Variants in SPAG1 observed in about 807,000 individuals in gnomAD.
SPAG1 encodes sperm associated antigen 1.
A neutral mutation model predicts 100.5 loss-of-function variants in SPAG1; 69 were observed. The observed-to-expected ratio is 0.69, with a 90% CI of 0.57 to 0.84. The LOEUF (loss-of-function observed/expected upper bound fraction) is 0.84, where lower values mean the gene tolerates loss of function less well. Among genes scored for constraint, SPAG1 ranks in the 40% least tolerant of loss-of-function variants. The pLI, the probability that SPAG1 is intolerant of heterozygous loss-of-function variation, is 0.00. For synonymous variants in SPAG1, 336 were observed against 411.6 expected, an observed-to-expected ratio of 0.82 and a Z score of 2.22; for missense variants, 955 against 1,133.1, an observed-to-expected ratio of 0.84 and a Z score of 2.26.
intron 4 of SPAG1, among the ~76,000 whole-genome samples, chr8:100,178,358 A>G (rs1270462475): frequency 6.6e-6 from 1 of 152,004 alleles, no homozygotes; most frequent in Non-Finnish European, 1.5e-5. Context: ...AACAGTAAAC[A>G]GATACTTTCA....
In SPAG1 at chr8:100,225,327, CA is replaced by C. The variant is rs1818460238; in HGVS notation, c.1844del (p.Gln615ArgfsTer20). The C allele has an allele frequency of 6.2e-7, 1 of 1,613,492 alleles. No individual in the cohort carries two copies. Among genetic ancestry groups the C allele is most frequent in the Non-Finnish European group, 8.5e-7 (1 of 1,179,926 alleles). Reference protein sequence around the residue: ...QAGDSSSHRQQGITDEKTFKA... With the variant: ...QAGDSSSHRQXGITDEKTFKA... The stretch of plus-strand genomic sequence containing the variant: ...AGGAGACTCCAGCAGCCATCGCCAG[CA>C]GGGCATCACAGGTGGGGGATGCCTG... On this transcript the variant is annotated frameshift_variant, in exon 14 of 19. Transcript: ENST00000388798. LOFTEE classifies it high-confidence loss of function.
intron 4 of SPAG1, among the ~76,000 whole-genome samples, chr8:100,178,630 G>A (rs1047525126): frequency 6.6e-6 from 1 of 151,964 alleles, no homozygotes; most frequent in African/African-American, 2.4e-5. Flanking sequence ...TGTTATTCTC[G>A]TCTTTTCTTT....
At chr8:100,231,828 G>A (rs986836555) in intron 15 of SPAG1, among the ~76,000 whole-genome samples, 7 of 152,064 alleles carry the variant, frequency 4.6e-5, no homozygotes, top group African/African-American at 1.4e-4. Flanking sequence ...CAGGCGCAGC[G>A]GCAGGCACCT....
At position 100,195,399 on chromosome 8, in the gene SPAG1, C is replaced by T. The variant is rs995595679; in HGVS notation, c.1096+1131C>T. ...AACGAGTTTTAATTTTTTTAAGTGACAAAAAATAATGCAATGTATACACTT... is the reference window on the plus strand; with the variant it reads ...AACGAGTTTTAATTTTTTTAAGTGATAAAAAATAATGCAATGTATACACTT... On this transcript the variant is annotated intron_variant, in intron 10 of 18. Coordinates refer to ENST00000388798, the MANE Select transcript of SPAG1 (RefSeq NM_003114.5). 1.1e-4 allele frequency among the ~76,000 whole-genome samples: 16 copies of T among 151,426 alleles called. 1 individual carries two copies. The highest frequency in any genetic ancestry group is 3.6e-4 in the African/African-American group (15 of 41,150).
At chr8:100,194,973 T>C (rs1943048832) in intron 10 of SPAG1, among the ~76,000 whole-genome samples, 1 of 152,010 alleles carries the variant, frequency 6.6e-6, no homozygotes, top group Non-Finnish European at 1.5e-5. Flanking sequence ...AAGACCAGCC[T>C]GGCCAACATG....
intron 7 of SPAG1, among the ~76,000 whole-genome samples, chr8:100,185,778 T>C (rs879476842): frequency 6.6e-6 from 1 of 152,204 alleles, no homozygotes; most frequent in East Asian, 1.9e-4. Context: ...TGTTGGTGTA[T>C]CTAAAGAAGT....
intron 10 of SPAG1, among the ~76,000 whole-genome samples, chr8:100,207,123 A>G (rs1817545403): frequency 6.6e-6 from 1 of 152,162 alleles, no homozygotes; most frequent in South Asian, 2.1e-4. Context: ...ACATTTGACT[A>G]TGGGTCATCA....
intron 9 of SPAG1, 36 bp downstream of exon 9, chr8:100,191,532 A>C (rs1307053482): frequency 2.9e-6 from 4 of 1,380,220 alleles, no homozygotes; most frequent in Non-Finnish European, 4.1e-6. Context: ...CTAATTCTGT[A>C]GTTGGCTGTT....
At chr8:100,159,323 T>G (rs906277090) in intron 1 of SPAG1, among the ~76,000 whole-genome samples, 6 of 152,200 alleles carry the variant, frequency 3.9e-5, no homozygotes, top group African/African-American at 1.4e-4. Flanking sequence ...CAATAGGCCC[T>G]GAAGGTATGG....
rs1306386069 is a variant in SPAG1 at position 100,213,434 on chromosome 8, T to G, written c.1435+6T>G. On this transcript the variant is annotated splice_donor_region_variant and intron_variant, in intron 11 of 18. Coordinates refer to ENST00000388798, the MANE Select transcript of SPAG1 (RefSeq NM_003114.5). ...CGCGCTCCTGGAGCCAGCAGGTAGG[T>G]GCGCCGCGCCCCGCCGCTTCCTGGG... 1 of 1,390,620 alleles carries G rather than the reference T, an allele frequency of 7.2e-7. No homozygotes were observed. The highest frequency in any genetic ancestry group is 9.3e-7 in the Non-Finnish European group (1 of 1,075,056). 86.1% of individuals were successfully genotyped at this position (1,390,620 alleles called of 1,614,324 possible).
At chr8:100,207,782 G>C (rs144237083) in intron 10 of SPAG1, among the ~76,000 whole-genome samples, 1 of 152,172 alleles carries the variant, frequency 6.6e-6, no homozygotes. Flanking sequence ...GGCTAAAGAA[G>C]TGTGGCAGTG....
At chr8:100,213,474 GT>G in intron 11 of SPAG1, 46 bp downstream of exon 11, 1 of 1,344,936 alleles carries the variant, frequency 7.4e-7, no homozygotes, top group Non-Finnish European at 9.6e-7. Context: ...TCGCGCTGCG[GT>G]TCACCCGACC....
At chr8:100,180,788 G>A (rs564030676) in intron 4 of SPAG1, among the ~76,000 whole-genome samples, 85 of 152,360 alleles carry the variant, frequency 5.6e-4, no homozygotes, top group African/African-American at 2.0e-3. Flanking sequence ...ATTTAAGTCT[G>A]TTGGGGCCTA....
rs142067345 is a variant in SPAG1 at position 100,201,313 on chromosome 8, A to AG, written c.1096+7049dup. Among the ~76,000 whole-genome samples the AG allele has an allele frequency of 7.2e-3, 1,101 of 151,964 alleles. 14 individuals carry two copies. Among genetic ancestry groups the AG allele is most frequent in the African/African-American group, 0.025 (1,057 of 41,454 alleles). ...TTTCATTTTTATTTTTTGTAGAGACAGGGGTCTCACTTCGTTACTCAGGGT... is the reference window on the plus strand; with the variant it reads ...TTTCATTTTTATTTTTTGTAGAGACAGGGGGTCTCACTTCGTTACTCAGGGT... On this transcript the variant is annotated intron_variant, in intron 10 of 18. Transcript: ENST00000388798.
intron 2 of SPAG1, among the ~76,000 whole-genome samples, chr8:100,164,532 C>G (rs1455892038): frequency 6.6e-6 from 1 of 152,134 alleles, no homozygotes; most frequent in African/African-American, 2.4e-5. Flanking sequence ...TCAAGTGATT[C>G]TCCTGCCTCA....
intron 8 of SPAG1, among the ~76,000 whole-genome samples, chr8:100,189,532 G>A (rs147113714): frequency 0.015 from 2,292 of 152,086 alleles, 30 homozygotes; most frequent in Non-Finnish European, 0.027. Flanking sequence ...GTGGGCACCT[G>A]TAGTCCCAGC....
chr8:100,194,009 A>C, intron 9 of SPAG1, 103 bp from the exon 10 acceptor site: 1 of 1,025,022 alleles, frequency 9.8e-7, no homozygotes. Flanking sequence ...GCCTTGTCTT[A>C]GTTGTATTCA....
chr8:100,214,230 C>T (rs1416254949), intron 12 of SPAG1, among the ~76,000 whole-genome samples: 3 of 152,178 alleles, frequency 2.0e-5, no homozygotes, highest in African/African-American at 7.2e-5. Context: ...TTTCCTGAAA[C>T]ATTATTTTGT....
intron 13 of SPAG1, among the ~76,000 whole-genome samples, chr8:100,222,106 C>T (rs1282609709): frequency 6.6e-6 from 1 of 152,222 alleles, no homozygotes; most frequent in Non-Finnish European, 1.5e-5. Flanking sequence ...GCGCCATCTG[C>T]TGCCTCCTTT....
Sources: allele counts gnomAD v4.1 joint callset (sites outside exome capture counted in the v4.1 genomes callset), GRCh38; gene constraint gnomAD v4.1.1; transcripts MANE v1.5; gene names NCBI Gene and HGNC (gene_info 2026-07-23, HGNC 2026-07-21).